Variants in CTIF observed in about 807,000 individuals in gnomAD.
The protein encoded by CTIF is cap binding complex dependent translation initiation factor, also known as CBP80/20-dependent translation initiation factor.
In CTIF, 21 loss-of-function variants were observed where a neutral mutation model predicts 66.0. That is an observed-to-expected ratio of 0.32 (90% CI 0.23 to 0.46). The LOEUF (loss-of-function observed/expected upper bound fraction) is 0.46, where lower values mean the gene tolerates loss of function less well. Among genes scored for constraint, CTIF ranks in the 20% least tolerant of loss-of-function variants. The pLI is 1.00. For synonymous variants in CTIF, 345 were observed against 326.4 expected (o/e 1.06, Z -0.62); for missense variants, 739 against 812.7 (o/e 0.91, Z 1.10).
chr18:48,559,699 G>C (rs1027850100), intron 1 of CTIF, among the ~76,000 whole-genome samples: 2 of 152,156 alleles, frequency 1.3e-5, no homozygotes, highest in South Asian at 2.1e-4. Context: ...CTCCATGCAG[G>C]TTTCTCCACA....
At chr18:48,619,500 C>A in intron 1 of CTIF, 38 bp from the exon 2 acceptor site, 1 of 1,311,500 alleles carries the variant, frequency 7.6e-7, no homozygotes, top group Non-Finnish European at 9.9e-7. Context: ...TCTCCTCCAG[C>A]AGCGTCTCAC....
intron 3 of CTIF, among the ~76,000 whole-genome samples, chr18:48,639,737 G>A (rs971262348): frequency 2.0e-5 from 3 of 152,182 alleles, no homozygotes; most frequent in African/African-American, 7.2e-5. Flanking sequence ...GGGCTGGTGT[G>A]GTAGCCCAAC....
chr18:48,735,252 G>C (rs1427608731), intron 7 of CTIF, among the ~76,000 whole-genome samples: 2 of 152,266 alleles, frequency 1.3e-5, no homozygotes, highest in Non-Finnish European at 2.9e-5. Context: ...GAGGGCAAGG[G>C]GAGAGCATTC....
At chr18:48,736,300 A>G (rs1221829923) in intron 7 of CTIF, among the ~76,000 whole-genome samples, 1 of 152,148 alleles carries the variant, frequency 6.6e-6, no homozygotes, top group East Asian at 1.9e-4. Context: ...TGCCTCTCCA[A>G]GTTCTGGAGC....
intron 1 of CTIF, among the ~76,000 whole-genome samples, chr18:48,585,313 C>T (rs903613530): frequency 8.5e-5 from 13 of 152,210 alleles, no homozygotes; most frequent in East Asian, 3.8e-4. Flanking sequence ...TGGATATTGA[C>T]GACAAAACAT....
At chr18:48,592,103 G>A (rs565805634) in intron 1 of CTIF, among the ~76,000 whole-genome samples, 29 of 152,076 alleles carry the variant, frequency 1.9e-4, no homozygotes, top group Non-Finnish European at 2.1e-4. Context: ...TGGGTTTTAG[G>A]AGCAGTTCTC....
At chr18:48,840,666 AGCACAATGCTAATTAT>A (rs1480130155) in intron 10 of CTIF, among the ~76,000 whole-genome samples, 1 of 152,112 alleles carries the variant, frequency 6.6e-6, no homozygotes, top group Non-Finnish European at 1.5e-5. Context: ...TGCTCCTCTG[AGCACAATGCTAATTAT>A]GCCCTTAGCA....
chr18:48,585,286 A>G (rs1044258090), intron 1 of CTIF, among the ~76,000 whole-genome samples: 2 of 152,268 alleles, frequency 1.3e-5, no homozygotes, highest in African/African-American at 4.8e-5. Flanking sequence ...GATAGAGAGC[A>G]GAATGTAAAA....
chr18:48,817,178 C>T (rs2068381802), intron 9 of CTIF, 43 bp from the exon 10 acceptor site: 2 of 1,593,906 alleles, frequency 1.3e-6, no homozygotes, highest in South Asian at 2.3e-5. Flanking sequence ...CCAGGCCCCT[C>T]CCCAGCCCCG....
At chr18:48,594,065 C>G (rs7239821) in intron 1 of CTIF, among the ~76,000 whole-genome samples, 8,012 of 150,458 alleles carry the variant, frequency 0.053, 583 homozygotes, top group African/African-American at 0.17. Context: ...CACAAGCCCC[C>G]CCTCCTATCT....
chr18:48,809,177 TTC>T (rs1268276140), intron 9 of CTIF, among the ~76,000 whole-genome samples: 2 of 152,352 alleles, frequency 1.3e-5, no homozygotes, highest in Middle Eastern at 3.4e-3. Context: ...CACTAGTTAA[TTC>T]TGTCATAAAA....
chr18:48,651,945 T>C (rs533280057), intron 3 of CTIF, among the ~76,000 whole-genome samples: 1 of 152,184 alleles, frequency 6.6e-6, no homozygotes, highest in East Asian at 1.9e-4. Flanking sequence ...CGTACCAGAA[T>C]CCCTCGGACA....
At chr18:48,714,786 A>G (rs1568159137) in intron 7 of CTIF, among the ~76,000 whole-genome samples, 1 of 152,078 alleles carries the variant, frequency 6.6e-6, no homozygotes. Context: ...TCCTCTCCTC[A>G]CTCACCCTAT....
intron 1 of CTIF, among the ~76,000 whole-genome samples, chr18:48,615,501 C>T (rs2090382315): frequency 6.6e-6 from 1 of 152,166 alleles, no homozygotes; most frequent in Admixed American, 6.5e-5. Context: ...AGCTGAAATC[C>T]CTGGGAGAGA....
rs2091402484 is a variant in CTIF at position 48,664,532 on chromosome 18, C to A, written c.412C>A (p.Pro138Thr). The A allele has an allele frequency of 6.8e-6, 11 of 1,612,346 alleles. No homozygotes were observed. Among genetic ancestry groups the A allele is most frequent in the Non-Finnish European group, 9.3e-6 (11 of 1,179,944 alleles). ...CCGACACACGCCCAAGCAGCCCCTG[C>A]CACACATCGACCGCGAAGGGTAAGG... ...KVRHTPKQPLPHIDREGCGKG... is the reference protein window; with the variant it reads ...KVRHTPKQPLTHIDREGCGKG... Residue 138 changes from proline to threonine, a missense_variant, in exon 5 of 12, where the codon CCA becomes ACA. Around this residue, in one of 2 missense-constraint regions of CTIF, gnomAD observed 529 missense variants for 520.3 expected, o/e 1.02. Coordinates refer to ENST00000256413, the MANE Select transcript of CTIF (RefSeq NM_014772.3).
chr18:48,831,723 A>G (rs1174150028), intron 10 of CTIF, among the ~76,000 whole-genome samples: 5 of 152,238 alleles, frequency 3.3e-5, no homozygotes, highest in Admixed American at 3.3e-4. Flanking sequence ...TGAAAAGGGA[A>G]CAGGTGAAAT....
intron 10 of CTIF, among the ~76,000 whole-genome samples, chr18:48,842,388 G>A (rs1452030022): frequency 6.6e-6 from 1 of 152,074 alleles, no homozygotes; most frequent in Non-Finnish European, 1.5e-5. Flanking sequence ...ATAGAACGCA[G>A]GCCTGTGGGT....
intron 1 of CTIF, among the ~76,000 whole-genome samples, chr18:48,615,728 G>A (rs908502680): frequency 1.3e-5 from 2 of 152,236 alleles, no homozygotes; most frequent in Non-Finnish European, 2.9e-5. Flanking sequence ...GGGGCCGGGG[G>A]CTTCCTGCAG....
intron 6 of CTIF, among the ~76,000 whole-genome samples, chr18:48,676,058 G>A (rs2145075070): frequency 6.6e-6 from 1 of 152,220 alleles, no homozygotes; most frequent in Non-Finnish European, 1.5e-5. Flanking sequence ...ACTCTGAGGT[G>A]TGACTTGGGG....
Sources: gnomAD v4.1 joint callset for allele counts (sites outside exome capture counted in the v4.1 genomes callset) on GRCh38, gnomAD v4.1.1 for gene constraint, gnomAD v4.1.1 regional missense constraint, MANE v1.5 for transcripts, NCBI Gene and HGNC (gene_info 2026-07-23, HGNC 2026-07-21) for gene names.